PCDH15: variants seen among roughly 807,000 people sequenced by gnomAD.
PCDH15 encodes protocadherin-15.
Under a neutral mutation model 178.5 loss-of-function variants are expected in PCDH15, and 129 were observed. The observed-to-expected ratio is 0.72, with a 90% CI of 0.63 to 0.84. The LOEUF (loss-of-function observed/expected upper bound fraction) is 0.84. Among genes scored for constraint, PCDH15 ranks in the 40% least tolerant of loss-of-function variants. The pLI is 0.00. For missense variants in PCDH15, 2,230 were observed against 2,099.9 expected (o/e 1.06, Z -1.21); for synonymous variants, 800 against 732.0 (o/e 1.09, Z -1.50).
intron 5 of PCDH15, among the ~76,000 whole-genome samples, chr10:54,358,884 C>A (rs1486743956): frequency 2.0e-5 from 3 of 151,660 alleles, no homozygotes; most frequent in Non-Finnish European, 4.4e-5. Context: ...AACTGGAAAT[C>A]ATCATTCTCA....
intron 2 of PCDH15, among the ~76,000 whole-genome samples, chr10:55,378,645 A>G (rs1241757454): frequency 6.6e-6 from 1 of 152,142 alleles, no homozygotes; most frequent in Non-Finnish European, 1.5e-5. Context: ...TTTCCAGAAC[A>G]AACTTCTCCA....
At chr10:54,264,441 C>T (rs1056692491) in intron 8 of PCDH15, among the ~76,000 whole-genome samples, 2 of 152,108 alleles carry the variant, frequency 1.3e-5, no homozygotes, top group African/African-American at 2.4e-5. Context: ...AAATGAGAGA[C>T]ATAGAACTCA....
At chr10:54,828,223 T>C (rs567650945) in intron 3 of PCDH15, among the ~76,000 whole-genome samples, 6 of 151,998 alleles carry the variant, frequency 3.9e-5, no homozygotes, top group South Asian at 2.1e-4. Context: ...ATTCATAGAG[T>C]GCAGGAGAGA....
At chr10:54,907,345 A>G (rs1386820085) in intron 2 of PCDH15, among the ~76,000 whole-genome samples, 2 of 152,208 alleles carry the variant, frequency 1.3e-5, no homozygotes, top group African/African-American at 4.8e-5. Flanking sequence ...TCCAAAATGT[A>G]TTGAGAAGAA....
At chr10:54,796,672 T>C (rs1387716056) in intron 1 of PCDH15, among the ~76,000 whole-genome samples, 1 of 151,918 alleles carries the variant, frequency 6.6e-6, no homozygotes, top group Non-Finnish European at 1.5e-5. Flanking sequence ...TCTCTAACTT[T>C]TATTATGTTT....
At chr10:54,795,227 C>T (rs1354594709) in intron 1 of PCDH15, among the ~76,000 whole-genome samples, 10 of 151,752 alleles carry the variant, frequency 6.6e-5, no homozygotes, top group Admixed American at 6.6e-4. Context: ...ACTCATCTTA[C>T]TATAAACATT....
chr10:54,468,973 T>G (rs1480493869), intron 3 of PCDH15, among the ~76,000 whole-genome samples: 1 of 152,222 alleles, frequency 6.6e-6, no homozygotes, highest in Non-Finnish European at 1.5e-5. Flanking sequence ...TGCTCATTTT[T>G]TTGCTTCCAT....
At position 54,975,454 on chromosome 10, in the gene PCDH15, G is replaced by A. The variant is rs558701929; in HGVS notation, c.-79-77954C>T. ...TTCCATATTGTTGTTAGTGTTTTGC[G>A]GAACCGTAGATGTGTGAACTGACTG... On this transcript the variant is annotated intron_variant, in intron 2 of 5. Transcript: ENST00000458638. 5.3e-5 allele frequency among the ~76,000 whole-genome samples: 8 copies of A among 152,216 alleles called. No individual in the cohort carries two copies. The South Asian group carries it at 8.3e-4, about 16-fold the overall frequency.
chr10:54,842,314 C>A (rs1326001662), intron 3 of PCDH15, among the ~76,000 whole-genome samples: 2 of 151,726 alleles, frequency 1.3e-5, no homozygotes, highest in Non-Finnish European at 3.0e-5. Context: ...TAACTATTAG[C>A]ACCCTTTCTT....
intron 21 of PCDH15, among the ~76,000 whole-genome samples, chr10:53,976,739 G>C (rs1371929649): frequency 1.3e-5 from 2 of 151,866 alleles, no homozygotes; most frequent in South Asian, 4.2e-4. Context: ...ATAATAATTT[G>C]TTAAATGAAT....
At chr10:53,854,694 C>G (rs1221282622) in intron 28 of PCDH15, among the ~76,000 whole-genome samples, 1 of 152,000 alleles carries the variant, frequency 6.6e-6, no homozygotes, top group African/African-American at 2.4e-5. Context: ...AGTCTACTGA[C>G]TTTGAGCTGC....
chr10:55,294,395 G>C (rs537115244), intron 1 of PCDH15, among the ~76,000 whole-genome samples: 1 of 152,224 alleles, frequency 6.6e-6, no homozygotes, highest in South Asian at 2.1e-4. Context: ...GTCAGAATTA[G>C]TGGTTAAATT....
upstream of PCDH15, among the ~76,000 whole-genome samples, chr10:54,801,714 C>T (rs753318537): frequency 6.6e-6 from 1 of 151,732 alleles, no homozygotes; most frequent in African/African-American, 2.4e-5. Context: ...CAAAACAAAA[C>T]AAAAAAACAA....
At chr10:54,494,955 G>GATCC (rs2079976573) in intron 3 of PCDH15, among the ~76,000 whole-genome samples, 1 of 152,040 alleles carries the variant, frequency 6.6e-6, no homozygotes, top group Non-Finnish European at 1.5e-5. Flanking sequence ...CTTTAGCATG[G>GATCC]AGTTCATGCT....
intron 2 of PCDH15, among the ~76,000 whole-genome samples, chr10:55,078,295 G>A (rs867045622): frequency 1.2e-4 from 19 of 152,068 alleles, no homozygotes; most frequent in South Asian, 2.1e-4. Context: ...GTGCTGTGGA[G>A]AAGATATTTT....
Position 53,863,346 on chromosome 10 carries a change from T to C in PCDH15, c.3717+3296A>G, listed in dbSNP as rs557248719. ...GACTGAGAAGGAGTAAACAGTGAGA[T>C]AGTAGGACAAGGGAGTATGGTGGGT... On this transcript the variant is annotated intron_variant, in intron 27 of 37. Transcript: ENST00000644397. 3.9e-5 allele frequency among the ~76,000 whole-genome samples: 6 copies of C among 152,178 alleles called. No individual in the cohort carries two copies. The East Asian group carries it at 5.8e-4, about 15-fold the overall frequency.
chr10:54,442,826 T>TA (rs1159519100), intron 3 of PCDH15, among the ~76,000 whole-genome samples: 1 of 151,412 alleles, frequency 6.6e-6, no homozygotes, highest in African/African-American at 2.4e-5. Flanking sequence ...CTTTCAGTAG[T>TA]AAAAAACCCA....
chr10:54,379,017 C>A (rs1948846458), intron 3 of PCDH15, 75 bp from the exon 4 acceptor site: 2 of 1,531,924 alleles, frequency 1.3e-6, no homozygotes, highest in Non-Finnish European at 9.0e-7. Flanking sequence ...TGCTCTTAAA[C>A]CGCGGCTGGC....
At chr10:54,027,339 C>G (rs1243380594) in intron 18 of PCDH15, among the ~76,000 whole-genome samples, 1 of 151,650 alleles carries the variant, frequency 6.6e-6, no homozygotes, top group Non-Finnish European at 1.5e-5. Flanking sequence ...TAGGAAGAAT[C>G]AATATCGTGA....
Sources: allele counts gnomAD v4.1 joint callset (sites outside exome capture counted in the v4.1 genomes callset), GRCh38; gene constraint gnomAD v4.1.1; transcripts MANE v1.5; gene names NCBI Gene and HGNC (gene_info 2026-07-23, HGNC 2026-07-21).